Variants in OCRL observed in about 807,000 individuals in gnomAD.
OCRL encodes the protein OCRL inositol polyphosphate-5-phosphatase, also known as inositol polyphosphate 5-phosphatase OCRL.
A neutral mutation model predicts 78.9 loss-of-function variants in OCRL; 8 were observed. The observed-to-expected ratio is 0.10, with a 90% CI of 0.06 to 0.18. OCRL has a LOEUF of 0.18. Ranked by LOEUF, OCRL falls within the 10% of genes least tolerant of loss-of-function variation. The pLI is 1.00. For missense variants in OCRL, 454 were observed against 696.7 expected, an observed-to-expected ratio of 0.65 and a Z score of 3.92; for synonymous variants, 240 against 235.4, an observed-to-expected ratio of 1.02 and a Z score of -0.18.
Position 129,558,761 on chromosome X carries a change from C to G in OCRL, c.560+8C>G, listed in dbSNP as rs1201733908. Reference sequence around the variant, plus strand: ...CTTTTCAGTGAATAAAATGTAAGTCCCATGTGAAAACATATTTGCCTTGTA... The same window carrying G: ...CTTTTCAGTGAATAAAATGTAAGTCGCATGTGAAAACATATTTGCCTTGTA... On this transcript the variant is annotated splice_region_variant and intron_variant, in intron 7 of 23. Coordinates refer to ENST00000371113, the MANE Select transcript of OCRL (RefSeq NM_000276.4). 1.7e-6 allele frequency: 2 copies of G among 1,211,854 alleles called. No individual in the cohort carries two copies. The highest frequency in any genetic ancestry group is 4.3e-5 in the Admixed American group (2 of 46,088).
chrX:129,583,577 C>T (rs746193658), intron 18 of OCRL, among the ~76,000 whole-genome samples: 33 of 111,836 alleles, frequency 3.0e-4, no homozygotes, highest in African/African-American at 6.5e-4. Flanking sequence ...GCACTTTGCA[C>T]AGTTCCTGAT....
Position 129,584,467 on chromosome X carries a change from C to T in OCRL, c.2139+100C>T. 6.1e-6 allele frequency: 5 copies of T among 820,837 alleles called. No individual in the cohort carries two copies. In the Admixed American group the frequency reaches 1.1e-4, roughly 18 times the overall value. 67.6% of individuals were successfully genotyped at this position (820,837 alleles called of 1,213,427 possible). On this transcript the variant is annotated intron_variant, in intron 19 of 23. Transcript: ENST00000371113. ...TCCCTAGGCTTTCCCATATCAGAGACCTCTGACTTGGTGAGACTCCCCTAA... is the reference window on the plus strand; with the variant it reads ...TCCCTAGGCTTTCCCATATCAGAGATCTCTGACTTGGTGAGACTCCCCTAA...
At chrX:129,587,470 A>C (rs1057007646) in intron 20 of OCRL, among the ~76,000 whole-genome samples, 3 of 111,030 alleles carry the variant, frequency 2.7e-5, no homozygotes, top group African/African-American at 9.8e-5. Context: ...AGATTGTAAA[A>C]TCCAAAGCAG....
Position 129,587,056 on chromosome X carries a change from C to G in OCRL, c.2194C>G (p.Leu732Val). ...GGATGAAGGTGCCAGTGAGAGACCC[C>G]TTCAGGTTCCCAAGGAGATCTGGCT... ...PLDEGASERP[L>V]QVPKEIWLLV... is the part of the protein sequence containing the mutation. The change falls in exon 20 of 24, where the codon CTT becomes GTT. Residue 732 changes from leucine (L) to valine (V), a missense_variant. This residue lies in a region of OCRL where 277 missense variants were observed against 517.1 expected (regional missense o/e 0.54). Coordinates refer to ENST00000371113, the MANE Select transcript of OCRL (RefSeq NM_000276.4). 8.3e-7 allele frequency: 1 copy of G among 1,210,219 alleles called. No individual in the cohort carries two copies. Among genetic ancestry groups the G allele is most frequent in the Non-Finnish European group, 1.1e-6 (1 of 894,022 alleles).
At chrX:129,562,348 T>G in intron 10 of OCRL, 36 bp from the exon 11 acceptor site, 1 of 1,043,844 alleles carries the variant, frequency 9.6e-7, no homozygotes, top group African/African-American at 1.8e-5. Context: ...AGATTGGTAT[T>G]AACATTAACC....
At chrX:129,575,775 G>A in intron 16 of OCRL, 122 bp from the exon 17 acceptor site, 1 of 798,365 alleles carries the variant, frequency 1.3e-6, no homozygotes, top group Non-Finnish European at 1.9e-6. Context: ...GTTGGTGAAT[G>A]TCTATGGCAT....
At position 129,559,373 on chromosome X, in the gene OCRL, GT is replaced by G. The variant is rs1246513941; in HGVS notation, c.722+378del. Among the ~76,000 whole-genome samples, 3 of 111,666 alleles carry G rather than the reference GT, an allele frequency of 2.7e-5. No individual in the cohort carries two copies. The East Asian group carries it at 8.5e-4, about 32-fold the overall frequency. ...ACCACCACATCCAGCTAATATTTGTGTTTTTTATAGAGACTGGGTTTCACCA... is the reference window on the plus strand; with the variant it reads ...ACCACCACATCCAGCTAATATTTGTGTTTTTATAGAGACTGGGTTTCACCA... On this transcript the variant is annotated intron_variant, in intron 8 of 23. Transcript: ENST00000371113.
chrX:129,579,888 G>A (rs892651265), intron 18 of OCRL, among the ~76,000 whole-genome samples: 1 of 112,150 alleles, frequency 8.9e-6, no homozygotes, highest in African/African-American at 3.2e-5. Flanking sequence ...TTTGGTTAAA[G>A]ATAATCTGAA....
In OCRL at chrX:129,558,722, C is replaced by T; in HGVS notation, c.529C>T (p.Pro177Ser). 3.3e-6 allele frequency: 4 copies of T among 1,211,283 alleles called. No homozygotes were observed. The highest frequency in any genetic ancestry group is 1.7e-5 in the African/African-American group (1 of 57,905). ...QNQPTGIHRE[P>S]PPPPFSVNKM... Reference sequence around the variant, plus strand: ...TCAGCCTACTGGGATTCATCGGGAACCCCCACCTCCACCCTTTTCAGTGAA... The same window carrying T: ...TCAGCCTACTGGGATTCATCGGGAATCCCCACCTCCACCCTTTTCAGTGAA... The change falls in exon 7 of 24, where the codon CCC becomes TCC. Residue 177 changes from proline to serine, a missense_variant. Physicochemically the swap from Pro to Ser is moderately conservative, Grantham distance 74. Transcript: ENST00000371113.
chrX:129,563,214 A>G (rs1936168552), intron 12 of OCRL, among the ~76,000 whole-genome samples: 1 of 111,910 alleles, frequency 8.9e-6, no homozygotes, highest in Admixed American at 9.5e-5. Context: ...GTCCAATATG[A>G]CAACCAGTAG....
chrX:129,587,166 C>T, intron 20 of OCRL, 48 bp downstream of exon 20: 1 of 813,085 alleles, frequency 1.2e-6, no homozygotes, highest in Non-Finnish European at 1.9e-6. Context: ...TGTGTAACTA[C>T]TATAGGAAAT....
Position 129,589,984 on chromosome X carries a change from G to A in OCRL, c.2581+28G>A, listed in dbSNP as rs746432223. On this transcript the variant is annotated intron_variant, in intron 23 of 23. Transcript: ENST00000371113. ...AAGAGTGCTTCATGCAACACGGGGC[G>A]TTTGTTGAGAATACTCTTAGTGCAT... The A allele has an allele frequency of 1.5e-5, 17 of 1,146,489 alleles. No individual in the cohort carries two copies. In the South Asian group the frequency reaches 2.2e-4, roughly 15 times the overall value. 94.5% of individuals were successfully genotyped at this position (1,146,489 alleles called of 1,213,427 possible). A position where few individuals can be genotyped will look rare whatever the true frequency, so the allele number is the denominator to read the frequency against.
Position 129,587,007 on chromosome X carries a change from A to G in OCRL, c.2145A>G (p.Lys715=). The G allele has an allele frequency of 8.4e-7, 1 of 1,188,139 alleles. No homozygotes were observed. The highest frequency in any genetic ancestry group is 1.8e-5 in the South Asian group (1 of 56,441). The stretch of plus-strand genomic sequence containing the variant: ...CATACTTTTCCATCTATTAGGAGAA[A>G]TCCCTTCTGCAAATGGTTCCTTTGG... The part of the protein sequence containing the change: ...LEEDSFLEKE[K]SLLQMVPLDE... Residue 715 remains lysine (K), a synonymous_variant, in exon 20 of 24, where the codon AAA becomes AAG. Transcript: ENST00000371113.
intron 4 of OCRL, among the ~76,000 whole-genome samples, chrX:129,551,235 G>T (rs184208813): frequency 2.8e-3 from 307 of 111,270 alleles, no homozygotes; most frequent in African/African-American, 9.5e-3. Context: ...TTTGGTTCTT[G>T]CTTCTGTGCA....
intron 10 of OCRL, 26 bp from the exon 11 acceptor site, chrX:129,562,358 C>G (rs1569459436): frequency 9.0e-7 from 1 of 1,110,963 alleles, no homozygotes. Flanking sequence ...TAACATTAAC[C>G]TTTTGTAACT....
intron 10 of OCRL, 32 bp from the exon 11 acceptor site, chrX:129,562,352 A>T: frequency 9.3e-7 from 1 of 1,074,807 alleles, no homozygotes; most frequent in South Asian, 1.8e-5. Context: ...TGGTATTAAC[A>T]TTAACCTTTT....
chrX:129,544,052 T>C (rs1291709996), intron 2 of OCRL, among the ~76,000 whole-genome samples: 1 of 110,184 alleles, frequency 9.1e-6, no homozygotes, highest in Non-Finnish European at 1.9e-5. Context: ...GAGGACAGTT[T>C]CATGGAGGAG....
intron 18 of OCRL, among the ~76,000 whole-genome samples, chrX:129,581,664 T>TTA (rs1176223744): frequency 3.3e-4 from 35 of 105,734 alleles, no homozygotes; most frequent in Admixed American, 6.2e-4. Context: ...ATACCTTTTA[T>TTA]TATATATATA....
At chrX:129,562,166 T>C (rs1367217467) in intron 10 of OCRL, among the ~76,000 whole-genome samples, 1 of 111,721 alleles carries the variant, frequency 9.0e-6, no homozygotes, top group Non-Finnish European at 1.9e-5. Context: ...GTACTCATTG[T>C]CCCTCCCAGC....
Sources: gnomAD v4.1 joint callset for allele counts (sites outside exome capture counted in the v4.1 genomes callset) on GRCh38, gnomAD v4.1.1 for gene constraint, gnomAD v4.1.1 regional missense constraint, MANE v1.5 for transcripts, NCBI Gene and HGNC (gene_info 2026-07-23, HGNC 2026-07-21) for gene names.